The following MBNL1 variants were observed in gnomAD, a reference collection of about 807,000 sequenced individuals.
The protein encoded by MBNL1 is muscleblind like splicing regulator 1, also known as muscleblind-like protein 1.
Under a neutral mutation model 42.2 loss-of-function variants are expected in MBNL1, and 8 were observed. The observed-to-expected ratio is 0.19, with a 90% CI of 0.11 to 0.34. The LOEUF is 0.34. Among genes scored for constraint, MBNL1 ranks in the 10% least tolerant of loss-of-function variants. MBNL1 has a pLI of 1.00. For missense variants in MBNL1, 309 were observed against 495.3 expected, an observed-to-expected ratio of 0.62 and a Z score of 3.57; for synonymous variants, 169 against 173.9, an observed-to-expected ratio of 0.97 and a Z score of 0.22.
At chr3:152,445,246 T>G (rs775343069) in intron 4 of MBNL1, 36 bp from the exon 5 acceptor site, 1 of 1,568,030 alleles carries the variant, frequency 6.4e-7, no homozygotes, top group South Asian at 1.2e-5. Flanking sequence ...TTCTTCTTCA[T>G]GTTGACTAAA....
At position 152,455,555 on chromosome 3, in the gene MBNL1, C is replaced by T; in HGVS notation, c.975C>T (p.Cys325=). The change falls in exon 7 of 10, where the codon TGC becomes TGT. Residue 325 remains cysteine, a synonymous_variant. Coordinates refer to ENST00000324210, the MANE Select transcript of MBNL1 (RefSeq NM_021038.5). ...TAFLPPGSIL[C]MTPATSVVPM... is the part of the protein sequence containing the mutation. ...CATGATGGGCAGGCTCAATATTGTG[C>T]ATGACACCCGCTACAAGTGTTGGTA... 1 of 1,613,642 alleles carries T rather than the reference C, an allele frequency of 6.2e-7. No homozygotes were observed. The highest frequency in any genetic ancestry group is 8.5e-7 in the Non-Finnish European group (1 of 1,179,650).
intron 2 of MBNL1, among the ~76,000 whole-genome samples, chr3:152,400,326 G>A (rs563041434): frequency 2.0e-5 from 3 of 152,140 alleles, no homozygotes; most frequent in Non-Finnish European, 4.4e-5. Context: ...CTATAGCTAT[G>A]AAATTTTTAA....
intron 2 of MBNL1, among the ~76,000 whole-genome samples, chr3:152,254,244 C>T (rs889389734): frequency 2.6e-5 from 4 of 152,094 alleles, no homozygotes; most frequent in Admixed American, 1.3e-4. Flanking sequence ...TTGGAGACAA[C>T]AAATAGACAG....
At chr3:152,351,811 A>C (rs2095033464) in intron 2 of MBNL1, among the ~76,000 whole-genome samples, 1 of 152,196 alleles carries the variant, frequency 6.6e-6, no homozygotes, top group African/African-American at 2.4e-5. Context: ...TGAAACACAA[A>C]AAGCATGCAA....
At chr3:152,373,357 A>T (rs539326606) in intron 2 of MBNL1, among the ~76,000 whole-genome samples, 1,666 of 150,618 alleles carry the variant, frequency 0.011, 14 homozygotes, top group Non-Finnish European at 0.018. Flanking sequence ...AAAAAAAAAA[A>T]AAAAAAAACC....
chr3:152,391,426 C>T (rs1438303610), intron 2 of MBNL1, among the ~76,000 whole-genome samples: 3 of 152,186 alleles, frequency 2.0e-5, no homozygotes, highest in Non-Finnish European at 2.9e-5. Flanking sequence ...TTATGACCTT[C>T]TTTCTATGTT....
chr3:152,328,453 T>G (rs940613144), intron 2 of MBNL1, among the ~76,000 whole-genome samples: 24 of 152,164 alleles, frequency 1.6e-4, no homozygotes, highest in Non-Finnish European at 2.9e-4. Flanking sequence ...AGATGTTTTC[T>G]CTAAAGCAGA....
In MBNL1 at chr3:152,430,477, A is replaced by T. The variant is rs181945725; in HGVS notation, c.346-2240A>T. Among the ~76,000 whole-genome samples, 84 of 152,366 alleles carry T rather than the reference A, an allele frequency of 5.5e-4. No homozygotes were observed. In the East Asian group the frequency reaches 7.1e-3, roughly 13 times the overall value. On this transcript the variant is annotated intron_variant, in intron 3 of 9. Transcript: ENST00000324210. ...TAAACTAGTCTGTTAGTCCCCTGAC[A>T]TAGACTCTTTTAGTCTTCTATGCTA...
chr3:152,407,986 GGC>G, intron 2 of MBNL1, among the ~76,000 whole-genome samples: 2 of 152,146 alleles, frequency 1.3e-5, no homozygotes, highest in Admixed American at 1.3e-4. Flanking sequence ...GGGAGGGCGA[GGC>G]AAGAGATTGA....
At chr3:152,441,825 C>CT (rs1265565849) in intron 4 of MBNL1, among the ~76,000 whole-genome samples, 1 of 152,196 alleles carries the variant, frequency 6.6e-6, no homozygotes, top group Non-Finnish European at 1.5e-5. Flanking sequence ...CAGAGTCTTG[C>CT]TCTGTTGCCC....
chr3:152,330,570 A>G (rs1394445063), intron 2 of MBNL1, among the ~76,000 whole-genome samples: 1 of 152,212 alleles, frequency 6.6e-6, no homozygotes, highest in Non-Finnish European at 1.5e-5. Flanking sequence ...GACATGGAAT[A>G]CATCACTGTG....
intron 2 of MBNL1, among the ~76,000 whole-genome samples, chr3:152,401,672 T>C (rs182781512): frequency 3.9e-4 from 59 of 152,286 alleles, no homozygotes; most frequent in Admixed American, 1.4e-3. Context: ...ATGTGTTCTT[T>C]CATTGCACTA....
chr3:152,280,345 G>A (rs2047698110), intron 1 of MBNL1, among the ~76,000 whole-genome samples: 1 of 152,080 alleles, frequency 6.6e-6, no homozygotes, highest in African/African-American at 2.4e-5. Flanking sequence ...GTATATATTG[G>A]AGAAGAGACA....
chr3:152,348,030 A>G (rs1322203995), intron 2 of MBNL1, among the ~76,000 whole-genome samples: 1 of 152,148 alleles, frequency 6.6e-6, no homozygotes, highest in East Asian at 1.9e-4. Flanking sequence ...AAAAGAATAC[A>G]GACTTTTCCT....
intron 1 of MBNL1, among the ~76,000 whole-genome samples, chr3:152,273,953 C>A (rs985859838): frequency 1.3e-5 from 2 of 152,154 alleles, no homozygotes; most frequent in Non-Finnish European, 2.9e-5. Flanking sequence ...TTATTCAAAT[C>A]ACCTGAATGT....
intron 1 of MBNL1, chr3:152,269,457 T>G (rs2038917874): frequency 2.2e-6 from 1 of 449,646 alleles, no homozygotes. Flanking sequence ...GGGGAAGGTG[T>G]GAGTCCCTCT....
At chr3:152,392,163 C>T (rs1042167243) in intron 2 of MBNL1, among the ~76,000 whole-genome samples, 15 of 151,764 alleles carry the variant, frequency 9.9e-5, no homozygotes, top group South Asian at 2.1e-4. Context: ...TTTCTCTTTA[C>T]GTAGTGCAAC....
upstream of MBNL1, chr3:152,265,857 A>T (rs530191942): frequency 1.3e-5 from 2 of 152,332 alleles, no homozygotes; most frequent in South Asian, 4.2e-4. Flanking sequence ...ACTTCACAGA[A>T]ATAGGAGAAA....
At position 152,358,566 on chromosome 3, in the gene MBNL1, A is replaced by T. The variant is rs566403545; in HGVS notation, c.175-56375A>T. On this transcript the variant is annotated intron_variant, in intron 2 of 9. Coordinates refer to ENST00000324210, the MANE Select transcript of MBNL1 (RefSeq NM_021038.5). ...ATTTCCTTTGCTGTTAAGGAGAATG[A>T]ATTGAGATATCCAACTGATGACATT... 4.6e-5 allele frequency among the ~76,000 whole-genome samples: 7 copies of T among 152,234 alleles called. No homozygotes were observed. The South Asian group carries it at 1.2e-3, about 27-fold the overall frequency.
Sources: allele counts gnomAD v4.1 joint callset (sites outside exome capture counted in the v4.1 genomes callset), GRCh38; gene constraint gnomAD v4.1.1; transcripts MANE v1.5; gene names NCBI Gene and HGNC (gene_info 2026-07-23, HGNC 2026-07-21).